Variants in DOCK1 observed in about 807,000 individuals in gnomAD.
DOCK1 encodes the protein dedicator of cytokinesis 1, also known as dedicator of cytokinesis protein 1.
DOCK1 carries 138 observed loss-of-function variants against 262.7 expected under a neutral mutation model. The ratio of observed to expected loss-of-function variants is 0.53; its 90% CI spans 0.46 to 0.61. The LOEUF is 0.61. DOCK1 is among the 20% of genes least tolerant of loss of function. DOCK1 has a pLI of 0.00. For missense variants in DOCK1, 1,908 were observed against 2,370.7 expected, an observed-to-expected ratio of 0.80 and a Z score of 4.05; for synonymous variants, 866 against 867.4, an observed-to-expected ratio of 1.00 and a Z score of 0.03.
intron 16 of DOCK1, 53 bp downstream of exon 16, chr10:127,026,477 G>C (rs1213681179): frequency 5.9e-6 from 9 of 1,512,904 alleles, no homozygotes; most frequent in Non-Finnish European, 8.1e-6. Context: ...AGAACTGGGG[G>C]AAAGCGCGAG....
intron 27 of DOCK1, among the ~76,000 whole-genome samples, chr10:127,164,906 A>G (rs1317169701): frequency 6.6e-6 from 1 of 152,236 alleles, no homozygotes; most frequent in Non-Finnish European, 1.5e-5. Flanking sequence ...AGGCACCAGG[A>G]GCAGCTATTA....
intron 1 of DOCK1, among the ~76,000 whole-genome samples, chr10:126,926,751 C>T (rs906242599): frequency 1.3e-5 from 2 of 152,210 alleles, no homozygotes; most frequent in Admixed American, 6.5e-5. Context: ...GGGCGTTACA[C>T]GGCCGCAAGC....
intron 27 of DOCK1, among the ~76,000 whole-genome samples, chr10:127,168,817 G>A (rs2054308005): frequency 1.3e-5 from 2 of 152,206 alleles, no homozygotes; most frequent in South Asian, 4.2e-4. Context: ...TTTATGCACA[G>A]CTGCTGCAGC....
intron 4 of DOCK1, among the ~76,000 whole-genome samples, chr10:126,982,215 G>A (rs555368386): frequency 6.3e-4 from 96 of 152,236 alleles, no homozygotes; most frequent in Non-Finnish European, 1.1e-3. Context: ...TGAACCTGGG[G>A]TCACTATTGG....
At chr10:127,077,297 A>C (rs538193474) in intron 23 of DOCK1, among the ~76,000 whole-genome samples, 1 of 152,168 alleles carries the variant, frequency 6.6e-6, no homozygotes, top group East Asian at 1.9e-4. Flanking sequence ...CAGGAGACCG[A>C]GGTGGGAGAA....
At chr10:127,307,379 T>C (rs1454423960) in intron 29 of DOCK1, among the ~76,000 whole-genome samples, 1 of 152,222 alleles carries the variant, frequency 6.6e-6, no homozygotes, top group East Asian at 1.9e-4. Context: ...CCGCCTGCCC[T>C]CTTCTCTCTG....
Position 126,990,446 on chromosome 10 carries a change from C to G in DOCK1, c.325-9C>G, listed in dbSNP as rs1213550281. The G allele has an allele frequency of 6.3e-7, 1 of 1,596,294 alleles. No individual in the cohort carries two copies. The highest frequency in any genetic ancestry group is 1.7e-5 in the Admixed American group (1 of 57,598). ...CAAAATCTTTCTGATTGGGTTTTTC[C>G]CCGTATAGCAAGATAACAGGGAGAT... is the stretch of plus-strand genomic sequence containing the variant. On this transcript the variant is annotated splice_polypyrimidine_tract_variant and intron_variant, in intron 5 of 51. Coordinates refer to ENST00000623213, the MANE Select transcript of DOCK1 (RefSeq NM_001290223.2).
chr10:127,232,369 C>A (rs568137334), intron 27 of DOCK1, among the ~76,000 whole-genome samples: 2 of 152,148 alleles, frequency 1.3e-5, no homozygotes, highest in African/African-American at 4.8e-5. Flanking sequence ...TTCCATACAG[C>A]AAATTCCAGG....
At chr10:127,118,620 C>T (rs1216711407) in intron 25 of DOCK1, among the ~76,000 whole-genome samples, 1 of 152,232 alleles carries the variant, frequency 6.6e-6, no homozygotes, top group African/African-American at 2.4e-5. Flanking sequence ...CTTCCAATTT[C>T]CAACACCCTT....
At chr10:127,401,908 G>C (rs1565062901) in intron 38 of DOCK1, among the ~76,000 whole-genome samples, 1 of 152,156 alleles carries the variant, frequency 6.6e-6, no homozygotes, top group Non-Finnish European at 1.5e-5. Context: ...GCAGGCGGGT[G>C]GGGGCTCAGT....
intron 33 of DOCK1, among the ~76,000 whole-genome samples, chr10:127,363,231 C>T (rs561355521): frequency 2.0e-5 from 3 of 152,184 alleles, no homozygotes; most frequent in East Asian, 1.9e-4. Flanking sequence ...TATACTGGAC[C>T]GGATGTGGTT....
intron 10 of DOCK1, among the ~76,000 whole-genome samples, chr10:127,007,831 C>T (rs976977245): frequency 6.6e-6 from 1 of 152,172 alleles, no homozygotes; most frequent in African/African-American, 2.4e-5. Context: ...CTTTGAGCCT[C>T]AGTTTCTTGT....
rs374656857 is a variant in DOCK1, at chr10:127,159,159, A to G, written c.2847+31395A>G. 4.6e-5 allele frequency among the ~76,000 whole-genome samples: 7 copies of G among 152,352 alleles called. No individual in the cohort carries two copies. The East Asian group carries it at 9.6e-4, about 21-fold the overall frequency. On this transcript the variant is annotated intron_variant, in intron 27 of 51. Transcript: ENST00000623213. ...AAACAGAAGGGATCTGGACAAGCCA[A>G]TTCTACAAGGTGGTTTTTGTGGAGT...
chr10:127,097,843 T>C (rs1293016150), intron 23 of DOCK1, among the ~76,000 whole-genome samples: 1 of 152,176 alleles, frequency 6.6e-6, no homozygotes, highest in East Asian at 1.9e-4. Flanking sequence ...TCCTCTAAAT[T>C]GTGTATAGAG....
intron 31 of DOCK1, among the ~76,000 whole-genome samples, chr10:127,346,716 C>A (rs2063650608): frequency 6.6e-6 from 1 of 152,250 alleles, no homozygotes; most frequent in African/African-American, 2.4e-5. Context: ...CGGAAAATTA[C>A]ACACAGCCAG....
chr10:127,445,428 G>T (rs940628571), intron 50 of DOCK1, among the ~76,000 whole-genome samples: 1 of 152,204 alleles, frequency 6.6e-6, no homozygotes, highest in Admixed American at 6.5e-5. Flanking sequence ...GAGTGGATGC[G>T]TGAGTCTAAT....
At chr10:127,393,940 G>A (rs1264260229) in intron 38 of DOCK1, among the ~76,000 whole-genome samples, 1 of 152,050 alleles carries the variant, frequency 6.6e-6, no homozygotes, top group African/African-American at 2.4e-5. Context: ...CCGCCCGCCT[G>A]AGTGTGCCCC....
At chr10:126,983,666 C>A (rs1295127358) in intron 4 of DOCK1, among the ~76,000 whole-genome samples, 1 of 152,148 alleles carries the variant, frequency 6.6e-6, no homozygotes, top group African/African-American at 2.4e-5. Flanking sequence ...CTTTCTCTTG[C>A]AAGGCTCTCT....
intron 13 of DOCK1, among the ~76,000 whole-genome samples, chr10:127,022,132 GC>G (rs1355484919): frequency 6.6e-6 from 1 of 151,906 alleles, no homozygotes; most frequent in Non-Finnish European, 1.5e-5. Context: ...CTCATTTCTT[GC>G]GTTTTTTTTA....
Sources: allele counts gnomAD v4.1 joint callset (sites outside exome capture counted in the v4.1 genomes callset), GRCh38; gene constraint gnomAD v4.1.1; transcripts MANE v1.5; gene names NCBI Gene and HGNC (gene_info 2026-07-23, HGNC 2026-07-21).